The following CNTNAP5 variants were observed in gnomAD, a reference collection of about 807,000 sequenced individuals.
CNTNAP5 encodes the protein contactin associated protein family member 5.
A neutral mutation model predicts 150.2 loss-of-function variants in CNTNAP5; 72 were observed. That is an observed-to-expected ratio of 0.48 (90% CI 0.40 to 0.58). CNTNAP5 has a LOEUF of 0.58. Ranked by LOEUF, CNTNAP5 falls within the 20% of genes least tolerant of loss-of-function variation. CNTNAP5 has a pLI of 0.00. For missense variants in CNTNAP5, 1,636 were observed against 1,626.2 expected (o/e 1.01, Z -0.10); for synonymous variants, 672 against 619.8 (o/e 1.08, Z -1.25).
intron 1 of CNTNAP5, among the ~76,000 whole-genome samples, chr2:124,075,946 A>G (rs866372489): frequency 6.6e-6 from 1 of 152,194 alleles, no homozygotes; most frequent in Admixed American, 6.5e-5. Flanking sequence ...CTAAACTGTG[A>G]TAAGTAAAAC....
intron 12 of CNTNAP5, among the ~76,000 whole-genome samples, chr2:124,637,742 C>T (rs2105016102): frequency 6.6e-6 from 1 of 152,268 alleles, no homozygotes; most frequent in South Asian, 2.1e-4. Flanking sequence ...GTCTTACCTA[C>T]AGAAGAGATT....
chr2:124,358,769 T>A (rs1370205977), intron 3 of CNTNAP5, among the ~76,000 whole-genome samples: 1 of 152,014 alleles, frequency 6.6e-6, no homozygotes, highest in African/African-American at 2.4e-5. Flanking sequence ...AATTCTCTTT[T>A]TTGGTTGTGT....
At chr2:124,572,114 G>A (rs976768170) in intron 11 of CNTNAP5, among the ~76,000 whole-genome samples, 1 of 152,132 alleles carries the variant, frequency 6.6e-6, no homozygotes. Context: ...CTGTTGAGAG[G>A]ATTTCATTCT....
intron 23 of CNTNAP5, among the ~76,000 whole-genome samples, chr2:124,913,502 A>G (rs747702779): frequency 6.6e-6 from 1 of 152,138 alleles, no homozygotes; most frequent in Non-Finnish European, 1.5e-5. Flanking sequence ...GAACAGAGGC[A>G]TCTTGTCACT....
chr2:124,867,807 C>G (rs1450967839), intron 20 of CNTNAP5, among the ~76,000 whole-genome samples: 1 of 152,188 alleles, frequency 6.6e-6, no homozygotes, highest in Non-Finnish European at 1.5e-5. Context: ...AATCCTGTCC[C>G]TGGATTCCAG....
rs143579419 is a variant in CNTNAP5, at chr2:124,390,920, G to A, written c.382-26523G>A. Reference sequence around the variant, plus strand: ...CTGGAATTGAGAAATTTCTATGAAAGTATTTCTGTAAGGGAGATAAAAAGT... The same window carrying A: ...CTGGAATTGAGAAATTTCTATGAAAATATTTCTGTAAGGGAGATAAAAAGT... On this transcript the variant is annotated intron_variant, in intron 3 of 23. Transcript: ENST00000682447. Among the ~76,000 whole-genome samples the A allele has an allele frequency of 3.9e-5, 6 of 152,324 alleles. No individual in the cohort carries two copies. In the South Asian group the frequency reaches 1.0e-3, roughly 26 times the overall value.
At chr2:124,524,702 G>A (rs1211136062) in intron 9 of CNTNAP5, among the ~76,000 whole-genome samples, 1 of 152,106 alleles carries the variant, frequency 6.6e-6, no homozygotes, top group African/African-American at 2.4e-5. Flanking sequence ...TACAAGAGCT[G>A]GTGTTATATA....
rs115218191 is a variant in CNTNAP5, at chr2:124,807,458, G to A, written c.3217+9138G>A. On this transcript the variant is annotated intron_variant, in intron 19 of 23. Coordinates refer to ENST00000682447, the MANE Select transcript of CNTNAP5 (RefSeq NM_001367498.1). Reference sequence around the variant, plus strand: ...CTAATACCTATCAAGTGCTGAGTATGTGCCAAGGCATAGTTTTCGTAGTTT... The same window carrying A: ...CTAATACCTATCAAGTGCTGAGTATATGCCAAGGCATAGTTTTCGTAGTTT... Among the ~76,000 whole-genome samples the A allele has an allele frequency of 8.1e-3, 1,239 of 152,236 alleles. 20 individuals are homozygous for A. The highest frequency in any genetic ancestry group is 0.028 in the African/African-American group (1,172 of 41,532).
intron 20 of CNTNAP5, among the ~76,000 whole-genome samples, chr2:124,867,026 G>C (rs773363787): frequency 6.6e-6 from 1 of 152,100 alleles, no homozygotes; most frequent in Non-Finnish European, 1.5e-5. Flanking sequence ...CTCCTGAATA[G>C]TTCATGGTTC....
At chr2:124,246,650 C>T (rs1573864492) in intron 3 of CNTNAP5, among the ~76,000 whole-genome samples, 1 of 152,220 alleles carries the variant, frequency 6.6e-6, no homozygotes, top group East Asian at 1.9e-4. Flanking sequence ...GAAAGATATG[C>T]CAGAAGAAAC....
At chr2:124,879,344 AT>A (rs1677922787) in intron 21 of CNTNAP5, among the ~76,000 whole-genome samples, 1 of 152,174 alleles carries the variant, frequency 6.6e-6, no homozygotes, top group African/African-American at 2.4e-5. Context: ...ACATATATGT[AT>A]AATGTATAAA....
intron 3 of CNTNAP5, among the ~76,000 whole-genome samples, chr2:124,369,060 G>A (rs1386990356): frequency 6.6e-6 from 1 of 152,128 alleles, no homozygotes; most frequent in African/African-American, 2.4e-5. Flanking sequence ...TAGAAAAGGG[G>A]AAGAGAGAGA....
At chr2:124,329,809 A>G (rs1417845546) in intron 3 of CNTNAP5, among the ~76,000 whole-genome samples, 1 of 152,160 alleles carries the variant, frequency 6.6e-6, no homozygotes, top group Non-Finnish European at 1.5e-5. Context: ...CTTTAGCAAG[A>G]GGCATTTTTG....
At chr2:124,882,694 CAT>C (rs767678054) in intron 21 of CNTNAP5, among the ~76,000 whole-genome samples, 1 of 152,050 alleles carries the variant, frequency 6.6e-6, no homozygotes, top group Non-Finnish European at 1.5e-5. Context: ...CAGGAAGTTC[CAT>C]ATGTGTACGT....
chr2:124,582,653 A>C (rs1019589815), intron 11 of CNTNAP5, among the ~76,000 whole-genome samples: 2 of 152,174 alleles, frequency 1.3e-5, no homozygotes, highest in Non-Finnish European at 2.9e-5. Flanking sequence ...GGGGCAGACC[A>C]AGTTTCAAAG....
intron 10 of CNTNAP5, among the ~76,000 whole-genome samples, chr2:124,556,880 A>C (rs1279185909): frequency 6.6e-6 from 1 of 152,092 alleles, no homozygotes; most frequent in African/African-American, 2.4e-5. Context: ...GTTTGGTTAA[A>C]GGTAACAAGG....
chr2:124,873,276 A>T (rs1299766045), intron 21 of CNTNAP5, among the ~76,000 whole-genome samples: 1 of 152,092 alleles, frequency 6.6e-6, no homozygotes, highest in Non-Finnish European at 1.5e-5. Flanking sequence ...AAGGACATCA[A>T]CAAGAGGATG....
intron 4 of CNTNAP5, among the ~76,000 whole-genome samples, chr2:124,420,181 G>T (rs1333775771): frequency 2.0e-5 from 3 of 151,308 alleles, no homozygotes; most frequent in Non-Finnish European, 2.9e-5. Context: ...AGTAGAGATG[G>T]AGTTTCACCA....
rs553346590 is a variant in CNTNAP5, at chr2:124,221,440, C to T, written c.83-265C>T. 1.1e-3 allele frequency among the ~76,000 whole-genome samples: 166 copies of T among 152,114 alleles called. 1 individual carries two copies. Among genetic ancestry groups the T allele is most frequent in the Non-Finnish European group, 2.1e-3 (144 of 67,966 alleles). On this transcript the variant is annotated intron_variant, in intron 1 of 23. Coordinates refer to ENST00000682447, the MANE Select transcript of CNTNAP5 (RefSeq NM_001367498.1). ...CAAATCTAGGTGACAATTCTGGCTG[C>T]GCTATTTTCTAGCATTGAGACCTTG...
Sources: allele counts gnomAD v4.1 joint callset (sites outside exome capture counted in the v4.1 genomes callset), GRCh38; gene constraint gnomAD v4.1.1; transcripts MANE v1.5; gene names NCBI Gene and HGNC (gene_info 2026-07-23, HGNC 2026-07-21).